MKKS: variants seen among roughly 807,000 people sequenced by gnomAD.
MKKS encodes the protein molecular chaperone MKKS.
A neutral mutation model predicts 33.2 loss-of-function variants in MKKS; 29 were observed. The observed-to-expected ratio is 0.87, with a 90% CI of 0.65 to 1.19. The LOEUF is 1.19. Among genes scored for constraint, MKKS ranks in the 50% most tolerant of loss-of-function variants. The pLI is 0.00. For synonymous variants in MKKS, 260 were observed against 244.0 expected (o/e 1.07, Z -0.61); for missense variants, 661 against 662.3 (o/e 1.00, Z 0.02).
intron 1 of MKKS, among the ~76,000 whole-genome samples, chr20:10,428,767 A>AG (rs1214971541): frequency 6.6e-6 from 1 of 152,200 alleles, no homozygotes; most frequent in Non-Finnish European, 1.5e-5. Context: ...TGAATCCAGG[A>AG]GGCAGAGGTT....
At chr20:10,406,638 A>T (rs959505807) in intron 5 of MKKS, among the ~76,000 whole-genome samples, 1 of 152,232 alleles carries the variant, frequency 6.6e-6, no homozygotes, top group African/African-American at 2.4e-5. Flanking sequence ...ACATGTCTGT[A>T]TTAGCAAACT....
At chr20:10,424,699 G>A (rs1419429568) in intron 1 of MKKS, among the ~76,000 whole-genome samples, 2 of 151,946 alleles carry the variant, frequency 1.3e-5, no homozygotes, top group African/African-American at 4.8e-5. Context: ...ACATATTTTG[G>A]GGATACAATT....
intron 2 of MKKS, among the ~76,000 whole-genome samples, chr20:10,419,682 C>T (rs1001982782): frequency 2.0e-5 from 3 of 152,148 alleles, no homozygotes; most frequent in Non-Finnish European, 4.4e-5. Context: ...TGAACATAAG[C>T]GCGGAGATAC....
chr20:10,425,114 T>C (rs918227258), intron 1 of MKKS, among the ~76,000 whole-genome samples: 1 of 151,184 alleles, frequency 6.6e-6, no homozygotes, highest in Non-Finnish European at 1.5e-5. Flanking sequence ...AAATATAGTA[T>C]AGTATAACCT....
intron 1 of MKKS, among the ~76,000 whole-genome samples, chr20:10,422,669 G>A (rs1265613409): frequency 6.6e-6 from 1 of 151,830 alleles, no homozygotes; most frequent in Non-Finnish European, 1.5e-5. Context: ...AGGTGACTTT[G>A]GCACCTCTAT....
At chr20:10,418,281 G>A (rs1829853661) in intron 2 of MKKS, among the ~76,000 whole-genome samples, 1 of 152,198 alleles carries the variant, frequency 6.6e-6, no homozygotes, top group African/African-American at 2.4e-5. Flanking sequence ...AAAGCTGGTT[G>A]TGGCGAAATG....
At chr20:10,430,650 T>TG (rs1232283671) in intron 1 of MKKS, among the ~76,000 whole-genome samples, 3 of 152,146 alleles carry the variant, frequency 2.0e-5, no homozygotes, top group African/African-American at 7.2e-5. Flanking sequence ...CAGAGGTCTT[T>TG]GGGGTTTGAC....
chr20:10,405,738 A>G (rs1351192494), intron 5 of MKKS, 51 bp from the exon 6 acceptor site: 4 of 1,446,276 alleles, frequency 2.8e-6, no homozygotes, highest in South Asian at 1.2e-5. Flanking sequence ...TTAATATAAA[A>G]TGTTTCAGAA....
chr20:10,424,690 C>T (rs191929528), intron 1 of MKKS, among the ~76,000 whole-genome samples: 23 of 152,180 alleles, frequency 1.5e-4, no homozygotes, highest in Admixed American at 4.6e-4. Context: ...TACAATCAAA[C>T]ATATTTTGGG....
chr20:10,432,154 AG>A (rs2065058227), intron 1 of MKKS, among the ~76,000 whole-genome samples: 1 of 152,234 alleles, frequency 6.6e-6, no homozygotes, highest in Admixed American at 6.5e-5. Flanking sequence ...AGATCAATCA[AG>A]GGGTATAAAA....
intron 1 of MKKS, among the ~76,000 whole-genome samples, chr20:10,423,138 T>G (rs1159335854): frequency 6.6e-6 from 1 of 152,132 alleles, no homozygotes; most frequent in Non-Finnish European, 1.5e-5. Context: ...AAACCCTAGC[T>G]TATAAAAAGA....
At position 10,401,943 on chromosome 20, in the gene MKKS, T is replaced by G; in HGVS notation, c.*3304A>C. ...GAAGAATTAAAGGGTAGGATATCTA[T>G]AAGACCAAATAAGTATTTGATTAAA... is the stretch of plus-strand genomic sequence containing the variant. On this transcript the variant is annotated 3_prime_UTR_variant, in exon 6 of 6. Transcript: ENST00000347364. The G allele has an allele frequency of 6.6e-6, 1 of 152,204 alleles. No individual in the cohort carries two copies. The highest frequency in any genetic ancestry group is 1.9e-4 in the East Asian group (1 of 5,196). 9.4% of individuals were successfully genotyped at this position (152,204 alleles called of 1,614,324 possible).
intron 2 of MKKS, among the ~76,000 whole-genome samples, chr20:10,415,541 G>A (rs1316216963): frequency 6.6e-6 from 1 of 152,096 alleles, no homozygotes; most frequent in Non-Finnish European, 1.5e-5. Flanking sequence ...GGCATGAGGA[G>A]GGAAAGAAAA....
chr20:10,413,802 A>C lies in MKKS; in HGVS notation c.-288T>G. On this transcript the variant is annotated 5_prime_UTR_variant, in exon 3 of 6. Coordinates refer to ENST00000347364, the MANE Select transcript of MKKS (RefSeq NM_170784.3). ...TACAGACTGCTTTGCAGACCTCTGCAAAAAGTATGTTCCAAGATGGACACC... is the reference window on the plus strand; with the variant it reads ...TACAGACTGCTTTGCAGACCTCTGCCAAAAGTATGTTCCAAGATGGACACC... The C allele has an allele frequency of 1.8e-6, 1 of 543,572 alleles. No homozygotes were observed. Among genetic ancestry groups the C allele is most frequent in the South Asian group, 2.8e-5 (1 of 35,140 alleles). 33.7% of individuals were successfully genotyped at this position (543,572 alleles called of 1,614,324 possible).
intron 2 of MKKS, among the ~76,000 whole-genome samples, chr20:10,416,028 T>C (rs1188742396): frequency 6.6e-6 from 1 of 152,094 alleles, no homozygotes; most frequent in Non-Finnish European, 1.5e-5. Context: ...ATAGAACATG[T>C]TTGGAAGTAT....
chr20:10,412,637 C>T lies in MKKS; in HGVS notation c.878G>A (p.Cys293Tyr). 2 of 1,614,104 alleles carry T rather than the reference C, an allele frequency of 1.2e-6. No homozygotes were observed. The highest frequency in any genetic ancestry group is 1.7e-6 in the Non-Finnish European group (2 of 1,180,022). ...CAAAGATGGATGTATAACTTTTTGGCACAGGACAAGATCTACGTGGTCACT... is the reference window on the plus strand; with the variant it reads ...CAAAGATGGATGTATAACTTTTTGGTACAGGACAAGATCTACGTGGTCACT... ...LISDHVDLVL[C>Y]QKVIHPSLKQ... Residue 293 changes from cysteine to tyrosine, a missense_variant, in exon 3 of 6, where the codon TGC becomes TAC. Cys to Tyr is a radical substitution (Grantham distance 194). Transcript: ENST00000347364.
chr20:10,408,653 T>C lies in MKKS; in HGVS notation c.1136A>G (p.Asn379Ser). The stretch of plus-strand genomic sequence containing the variant: ...CTTCAGCTCATCCCAGGCAGTGTCA[T>C]TTCTGTTGCAGAGAAGCAAGCTGCA... ...TICSLLLCNR[N>S]DTAWDELKLT... Residue 379 changes from asparagine to serine, a missense_variant, in exon 4 of 6, where the codon AAT becomes AGT. Transcript: ENST00000347364. 1 of 1,614,144 alleles carries C rather than the reference T, an allele frequency of 6.2e-7. No homozygotes were observed. The highest frequency in any genetic ancestry group is 8.5e-7 in the Non-Finnish European group (1 of 1,180,014).
intron 1 of MKKS, among the ~76,000 whole-genome samples, chr20:10,422,724 T>G (rs1448510309): frequency 6.6e-6 from 1 of 151,826 alleles, no homozygotes; most frequent in African/African-American, 2.4e-5. Flanking sequence ...TTTTTTTTTT[T>G]TTTGTGAGAC....
At chr20:10,428,578 C>T (rs1306924291) in intron 1 of MKKS, among the ~76,000 whole-genome samples, 2 of 152,206 alleles carry the variant, frequency 1.3e-5, no homozygotes, top group Non-Finnish European at 2.9e-5. Flanking sequence ...GTGGCTCACG[C>T]CTCTAATTCC....
Sources: allele counts gnomAD v4.1 joint callset (sites outside exome capture counted in the v4.1 genomes callset), GRCh38; gene constraint gnomAD v4.1.1; transcripts MANE v1.5; gene names NCBI Gene and HGNC (gene_info 2026-07-23, HGNC 2026-07-21).